AGBL1: variants seen among roughly 807,000 people sequenced by gnomAD.
The protein encoded by AGBL1 is cytosolic carboxypeptidase 4.
A neutral mutation model predicts 118.9 loss-of-function variants in AGBL1; 130 were observed. The ratio of observed to expected loss-of-function variants is 1.09; its 90% CI spans 0.95 to 1.26. The LOEUF is 1.26. Ranked by LOEUF, AGBL1 falls within the 50% of genes most tolerant of loss-of-function variation. The probability of loss-of-function intolerance (pLI) is 0.00; values close to 1 mark genes in which losing one functional copy is unlikely to be tolerated. For missense variants in AGBL1, 1,584 were observed against 1,298.1 expected (o/e 1.22, Z -3.38); for synonymous variants, 555 against 478.9 (o/e 1.16, Z -2.08).
At chr15:86,268,176 C>A (rs1185137758) in intron 13 of AGBL1, among the ~76,000 whole-genome samples, 1 of 151,972 alleles carries the variant, frequency 6.6e-6, no homozygotes, top group African/African-American at 2.4e-5. Context: ...CCTGATGATT[C>A]ATTTTTGAAG....
At chr15:86,318,395 A>C (rs1222560300) in intron 17 of AGBL1, among the ~76,000 whole-genome samples, 2 of 151,826 alleles carry the variant, frequency 1.3e-5, no homozygotes, top group Non-Finnish European at 2.9e-5. Context: ...TAATCATATA[A>C]ATATTTCATA....
intron 6 of AGBL1, among the ~76,000 whole-genome samples, chr15:86,237,634 C>T (rs898418377): frequency 2.0e-5 from 3 of 152,126 alleles, no homozygotes; most frequent in African/African-American, 7.2e-5. Flanking sequence ...GCAAGTACTT[C>T]CTTCCCCACC....
intron 22 of AGBL1, among the ~76,000 whole-genome samples, chr15:86,675,331 T>C (rs1224718530): frequency 6.6e-6 from 1 of 152,182 alleles, no homozygotes; most frequent in Admixed American, 6.5e-5. Context: ...TGAATTTTCC[T>C]CCTGTTCCTG....
intron 2 of AGBL1, 122 bp from the exon 3 acceptor site, chr15:86,143,577 T>C: frequency 4.8e-6 from 6 of 1,259,704 alleles, no homozygotes; most frequent in Non-Finnish European, 3.3e-6. Flanking sequence ...AAGAACTACA[T>C]AATTTTACGT....
At chr15:86,258,119 T>G in intron 9 of AGBL1, 88 bp downstream of exon 9, 1 of 1,417,464 alleles carries the variant, frequency 7.1e-7, no homozygotes, top group Non-Finnish European at 9.7e-7. Context: ...CCAAGCCCAG[T>G]GTAAATTTTA....
chr15:86,113,122 T>C (rs947146298), intron 1 of AGBL1, among the ~76,000 whole-genome samples: 2 of 152,306 alleles, frequency 1.3e-5, no homozygotes, highest in Admixed American at 6.5e-5. Flanking sequence ...TTAGCTTTCC[T>C]GCTTCAGCTC....
At chr15:86,791,042 G>A (rs139428382) in intron 22 of AGBL1, among the ~76,000 whole-genome samples, 1,584 of 152,292 alleles carry the variant, frequency 0.01, 14 homozygotes, top group Middle Eastern at 0.02. Flanking sequence ...GTAAGAGATA[G>A]CATTGGAAGA....
At chr15:86,868,741 T>A (rs1176504684) in intron 22 of AGBL1, among the ~76,000 whole-genome samples, 3 of 152,218 alleles carry the variant, frequency 2.0e-5, no homozygotes, top group African/African-American at 7.2e-5. Context: ...TCTGGGCTTA[T>A]GTCCAACAAA....
intron 5 of AGBL1, among the ~76,000 whole-genome samples, chr15:86,193,788 A>C (rs2077758243): frequency 6.6e-6 from 1 of 152,100 alleles, no homozygotes; most frequent in Admixed American, 6.6e-5. Flanking sequence ...GCTGTTCAAA[A>C]CCTTTGAATT....
At chr15:86,760,980 G>A (rs1334287852) in intron 22 of AGBL1, among the ~76,000 whole-genome samples, 3 of 152,094 alleles carry the variant, frequency 2.0e-5, no homozygotes, top group Non-Finnish European at 2.9e-5. Context: ...ATAGCGATGT[G>A]TAGACAGACA....
chr15:86,187,472 C>T (rs1036401547), intron 5 of AGBL1, among the ~76,000 whole-genome samples: 13 of 152,238 alleles, frequency 8.5e-5, no homozygotes, highest in African/African-American at 2.4e-4. Context: ...AGGTCAGAAG[C>T]CATGGATTTG....
At chr15:86,824,389 CA>C (rs2078980045) in intron 22 of AGBL1, among the ~76,000 whole-genome samples, 1 of 151,790 alleles carries the variant, frequency 6.6e-6, no homozygotes, top group Non-Finnish European at 1.5e-5. Flanking sequence ...AAAACATGTA[CA>C]AGAATGGTAT....
intron 18 of AGBL1, among the ~76,000 whole-genome samples, chr15:86,488,099 G>A (rs1349035396): frequency 1.3e-5 from 2 of 152,086 alleles, no homozygotes; most frequent in Admixed American, 1.3e-4. Flanking sequence ...TTTTAGTCAT[G>A]GTGTTTCAGC....
chr15:86,740,691 CAGAT>C (rs977789625), intron 22 of AGBL1, among the ~76,000 whole-genome samples: 3 of 152,102 alleles, frequency 2.0e-5, no homozygotes, highest in African/African-American at 7.2e-5. Context: ...GCTGGGTAGA[CAGAT>C]GAATGAGTGT....
chr15:86,443,075 C>G (rs1409279269), intron 18 of AGBL1, among the ~76,000 whole-genome samples: 2 of 152,182 alleles, frequency 1.3e-5, no homozygotes. Context: ...CAAGGAGAAA[C>G]TGTTGTTCTC....
chr15:86,741,813 C>T (rs2077684221), intron 22 of AGBL1, among the ~76,000 whole-genome samples: 1 of 151,924 alleles, frequency 6.6e-6, no homozygotes, highest in South Asian at 2.1e-4. Flanking sequence ...ATTCAATCTG[C>T]AAAACAAAAG....
At chr15:86,757,862 C>T (rs914322697) in intron 22 of AGBL1, among the ~76,000 whole-genome samples, 1 of 152,038 alleles carries the variant, frequency 6.6e-6, no homozygotes, top group Non-Finnish European at 1.5e-5. Context: ...AACAAGAAAA[C>T]CCAGATTCTC....
intron 21 of AGBL1, among the ~76,000 whole-genome samples, chr15:86,646,221 A>G: frequency 6.6e-6 from 1 of 152,222 alleles, no homozygotes; most frequent in East Asian, 1.9e-4. Flanking sequence ...GTCAGGCATT[A>G]TGGGTAATTC....
At chr15:86,365,794 T>G (rs1245096282) in intron 17 of AGBL1, among the ~76,000 whole-genome samples, 1 of 152,130 alleles carries the variant, frequency 6.6e-6, no homozygotes, top group African/African-American at 2.4e-5. Context: ...ATTTCTGGGG[T>G]AAGGGAGTGA....
Sources: gnomAD v4.1 joint callset for allele counts (sites outside exome capture counted in the v4.1 genomes callset) on GRCh38, gnomAD v4.1.1 for gene constraint, MANE v1.5 for transcripts, NCBI Gene and HGNC (gene_info 2026-07-23, HGNC 2026-07-21) for gene names.